Variants in VPS41 observed in about 807,000 individuals in gnomAD.
VPS41 encodes vacuolar protein sorting-associated protein 41 homolog.
In VPS41, 85 loss-of-function variants were observed where a neutral mutation model predicts 130.9. That is an observed-to-expected ratio of 0.65 (90% confidence interval 0.55 to 0.78). VPS41 has a LOEUF of 0.78. Ranked by LOEUF, VPS41 falls within the 30% of genes least tolerant of loss-of-function variation. VPS41 has a pLI of 0.00. For missense variants in VPS41, 874 were observed against 1,018.7 expected (o/e 0.86, Z 1.93); for synonymous variants, 335 against 332.9 (o/e 1.01, Z -0.07).
intron 4 of VPS41, among the ~76,000 whole-genome samples, chr7:38,836,606 T>C (rs892043934): frequency 2.0e-4 from 30 of 152,168 alleles, no homozygotes; most frequent in African/African-American, 7.0e-4. Context: ...TGTACCTTAT[T>C]ACACATTTTA....
intron 23 of VPS41, among the ~76,000 whole-genome samples, 174 bp from the exon 24 acceptor site, chr7:38,743,716 T>A (rs979042727): frequency 6.6e-6 from 1 of 152,176 alleles, no homozygotes; most frequent in Non-Finnish European, 1.5e-5. Flanking sequence ...TATCTCCTAT[T>A]TACTGGATAT....
At position 38,774,134 on chromosome 7, in the gene VPS41, T is replaced by C; in HGVS notation, c.993A>G (p.Glu331=). The C allele has an allele frequency of 6.2e-7, 1 of 1,606,696 alleles. No homozygotes were observed. The highest frequency in any genetic ancestry group is 1.3e-5 in the African/African-American group (1 of 74,898). ...ALTVRGFQEN[E]CRDYHLEYSE... ...TCCTACCTAAATGATAATCTCTACA[T>C]TCATTCTCCTGAAAGCCTCTGACTG... is the stretch of plus-strand genomic sequence containing the variant. Residue 331 remains glutamate, a synonymous_variant, in exon 12 of 29, where the codon GAA becomes GAG. Coordinates refer to ENST00000310301, the MANE Select transcript of VPS41 (RefSeq NM_014396.4).
intron 7 of VPS41, among the ~76,000 whole-genome samples, chr7:38,807,846 C>T (rs963509242): frequency 1.3e-5 from 2 of 152,156 alleles, no homozygotes; most frequent in African/African-American, 2.4e-5. Flanking sequence ...CTAATGAACA[C>T]CTCTGAACTG....
rs778865685 is a variant in VPS41, at chr7:38,743,427, C to T, written c.2097G>A (p.Leu699=). The change falls in exon 24 of 29, where the codon TTG becomes TTA. Residue 699 remains leucine (L), a synonymous_variant. Transcript: ENST00000310301. ...GTGGTTTGTCAATGGAATATAAAAT[C>T]AAATCTTCCCACAGCTCTCCATCAT... The part of the protein sequence containing the change: ...EQDDGELWED[L]ILYSIDKPPF... 6.2e-7 allele frequency: 1 copy of T among 1,613,890 alleles called. No homozygotes were observed.
intron 19 of VPS41, among the ~76,000 whole-genome samples, chr7:38,755,722 G>C (rs1482892599): frequency 1.3e-5 from 2 of 152,110 alleles, no homozygotes; most frequent in Non-Finnish European, 2.9e-5. Flanking sequence ...TCACATTCTA[G>C]AATAGCAATT....
At chr7:38,821,294 A>C (rs1394393312) in intron 5 of VPS41, 29 bp from the exon 6 acceptor site, 1 of 1,544,094 alleles carries the variant, frequency 6.5e-7, no homozygotes, top group African/African-American at 1.4e-5. Flanking sequence ...GTATCAGCTC[A>C]CCATGACAGC....
At chr7:38,796,654 G>A (rs1267317063) in intron 8 of VPS41, 91 bp downstream of exon 8, 40 of 1,583,724 alleles carry the variant, frequency 2.5e-5, no homozygotes, top group Non-Finnish European at 1.0e-5. Context: ...ACCACAGCAA[G>A]TGGCATCTTT....
intron 4 of VPS41, among the ~76,000 whole-genome samples, chr7:38,858,758 A>G (rs1786038910): frequency 1.3e-5 from 2 of 152,230 alleles, no homozygotes; most frequent in Non-Finnish European, 2.9e-5. Context: ...TATAAAGTCT[A>G]GCACACACAA....
intron 7 of VPS41, among the ~76,000 whole-genome samples, chr7:38,799,687 A>T (rs1208427963): frequency 6.6e-6 from 1 of 152,242 alleles, no homozygotes; most frequent in African/African-American, 2.4e-5. Flanking sequence ...GATTATTTCT[A>T]GAAATTCAAA....
chr7:38,898,180 T>C (rs1320182615), intron 1 of VPS41, 51 bp from the exon 2 acceptor site: 1 of 1,530,102 alleles, frequency 6.5e-7, no homozygotes, highest in Non-Finnish European at 9.0e-7. Context: ...AAAAGAATAA[T>C]CATTTGCAAG....
In VPS41 at chr7:38,771,195, T is replaced by TA. The variant is rs1449275708; in HGVS notation, c.1185+2dup. ...TGTTTCAAATAACAAATTGCACACT[T>TA]ACCAGAATCTTATGTCTTTTAATAT... On this transcript the variant is annotated splice_region_variant and intron_variant, in intron 14 of 28. Transcript: ENST00000310301. 1 of 1,588,622 alleles carries TA rather than the reference T, an allele frequency of 6.3e-7. No individual in the cohort carries two copies.
Position 38,757,005 on chromosome 7 carries a change from T to A in VPS41, c.1551-23A>T. 3 of 1,547,084 alleles carry A rather than the reference T, an allele frequency of 1.9e-6. 1 individual carries two copies. The South Asian group carries it at 3.4e-5, about 17-fold the overall frequency. On this transcript the variant is annotated intron_variant, in intron 18 of 28. Transcript: ENST00000310301. Reference sequence around the variant, plus strand: ...TACCTGGTAATACAAATTTTTTACATTAATATTCATCAACAGTTCTAATTA... The same window carrying A: ...TACCTGGTAATACAAATTTTTTACAATAATATTCATCAACAGTTCTAATTA...
intron 25 of VPS41, among the ~76,000 whole-genome samples, chr7:38,739,889 T>G (rs1795849401): frequency 6.6e-6 from 1 of 152,252 alleles, no homozygotes; most frequent in African/African-American, 2.4e-5. Flanking sequence ...TTTAGTAGCT[T>G]CTTTAGTAGA....
At chr7:38,892,752 T>C (rs1786893998) in intron 2 of VPS41, among the ~76,000 whole-genome samples, 1 of 152,174 alleles carries the variant, frequency 6.6e-6, no homozygotes, top group Non-Finnish European at 1.5e-5. Flanking sequence ...ACATCAATCT[T>C]TAGGTTCAGA....
chr7:38,840,011 G>C (rs1298290287), intron 4 of VPS41, among the ~76,000 whole-genome samples: 1 of 152,180 alleles, frequency 6.6e-6, no homozygotes, highest in Non-Finnish European at 1.5e-5. Flanking sequence ...TCCCATCACT[G>C]TCACTCCTGA....
At chr7:38,852,312 A>G (rs778904296) in intron 4 of VPS41, among the ~76,000 whole-genome samples, 33 of 152,226 alleles carry the variant, frequency 2.2e-4, no homozygotes, top group Non-Finnish European at 4.4e-4. Context: ...CAGTCAGATC[A>G]CACCTCATTA....
At chr7:38,755,549 G>C (rs1018534396) in intron 19 of VPS41, among the ~76,000 whole-genome samples, 6 of 152,196 alleles carry the variant, frequency 3.9e-5, no homozygotes, top group Admixed American at 2.6e-4. Flanking sequence ...CAGCACACCA[G>C]ACTGAGCCTC....
At chr7:38,774,333 C>A in intron 11 of VPS41, 89 bp from the exon 12 acceptor site, 1 of 1,209,170 alleles carries the variant, frequency 8.3e-7, no homozygotes, top group South Asian at 2.2e-5. Flanking sequence ...ATATTAGTTT[C>A]TTCTCACACT....
intron 16 of VPS41, among the ~76,000 whole-genome samples, chr7:38,764,327 T>C (rs1159034368): frequency 6.6e-6 from 1 of 152,120 alleles, no homozygotes; most frequent in Non-Finnish European, 1.5e-5. Flanking sequence ...GCCATGAACA[T>C]GCATCTGTGT....
Sources: gnomAD v4.1 joint callset for allele counts (sites outside exome capture counted in the v4.1 genomes callset) on GRCh38, gnomAD v4.1.1 for gene constraint, MANE v1.5 for transcripts, NCBI Gene and HGNC (gene_info 2026-07-23, HGNC 2026-07-21) for gene names.